The following RP1 variants were observed in gnomAD, a reference collection of about 807,000 sequenced individuals.
RP1 encodes oxygen-regulated protein 1.
Under a neutral mutation model 14.8 loss-of-function variants are expected in RP1, and 16 were observed. The observed-to-expected ratio is 1.08, with a 90% CI of 0.73 to 1.65. The LOEUF is 1.65. Among genes scored for constraint, RP1 ranks in the 40% most tolerant of loss-of-function variants. RP1 has a pLI of 0.00. For synonymous variants in RP1, 876 were observed against 883.6 expected, an observed-to-expected ratio of 0.99 and a Z score of 0.15; for missense variants, 2,631 against 2,535.0, an observed-to-expected ratio of 1.04 and a Z score of -0.81.
upstream of RP1, among the ~76,000 whole-genome samples, chr8:54,612,828 C>G (rs1415697604): frequency 6.6e-6 from 1 of 152,208 alleles, no homozygotes; most frequent in Non-Finnish European, 1.5e-5. Context: ...CTGCCAGGAA[C>G]ACACTTCTGT....
chr8:54,743,474 A>G (rs1809147679), intron 19 of RP1, among the ~76,000 whole-genome samples: 1 of 152,188 alleles, frequency 6.6e-6, no homozygotes, highest in Non-Finnish European at 1.5e-5. Context: ...ACTACAAGGT[A>G]GAACTTTTTC....
intron 15 of RP1, among the ~76,000 whole-genome samples, chr8:54,717,564 A>G (rs1808433571): frequency 6.6e-6 from 1 of 152,146 alleles, no homozygotes; most frequent in Non-Finnish European, 1.5e-5. Context: ...TAAAAAGACT[A>G]ACTTTCAGTA....
intron 1 of RP1, among the ~76,000 whole-genome samples, chr8:54,581,785 T>C (rs1284157251): frequency 6.6e-6 from 1 of 152,254 alleles, no homozygotes; most frequent in Non-Finnish European, 1.5e-5. Flanking sequence ...CATGTGTCTT[T>C]TGGCTGCATA....
At chr8:54,586,637 G>T (rs533515534) in intron 1 of RP1, among the ~76,000 whole-genome samples, 2 of 152,304 alleles carry the variant, frequency 1.3e-5, no homozygotes, top group Non-Finnish European at 1.5e-5. Context: ...AGGTGCTGTG[G>T]GCTCCACCCA....
At chr8:54,712,274 G>A (rs928584386) in intron 15 of RP1, among the ~76,000 whole-genome samples, 3 of 152,176 alleles carry the variant, frequency 2.0e-5, no homozygotes, top group Non-Finnish European at 2.9e-5. Flanking sequence ...GCTGGAGAGG[G>A]TCTGGGAGAC....
At chr8:54,833,496 T>C (rs1013181026) in intron 24 of RP1, among the ~76,000 whole-genome samples, 7 of 151,988 alleles carry the variant, frequency 4.6e-5, no homozygotes, top group Non-Finnish European at 1.5e-5. Flanking sequence ...AAGAATTGAT[T>C]ACAATCCATT....
chr8:54,680,662 G>A (rs1158041823), intron 12 of RP1, among the ~76,000 whole-genome samples: 2 of 152,108 alleles, frequency 1.3e-5, no homozygotes, highest in African/African-American at 4.8e-5. Context: ...TCTCCTGTAT[G>A]AAAATAAATG....
downstream of RP1, chr8:54,770,085 G>GATCT (rs757529681): frequency 9.4e-6 from 4 of 424,372 alleles, no homozygotes; most frequent in Non-Finnish European, 1.7e-5. Context: ...TCATCAGACA[G>GATCT]ATCTGTTATT....
intron 1 of RP1, among the ~76,000 whole-genome samples, chr8:54,595,201 C>T (rs945131582): frequency 6.6e-6 from 1 of 151,074 alleles, no homozygotes; most frequent in African/African-American, 2.4e-5. Context: ...GCGATCTCAG[C>T]TCACTGCAAG....
chr8:54,778,650 C>G (rs1266769712), intron 23 of RP1, among the ~76,000 whole-genome samples: 1 of 151,982 alleles, frequency 6.6e-6, no homozygotes, highest in Non-Finnish European at 1.5e-5. Context: ...GAGAAGGTGA[C>G]CTTTGAGCTA....
chr8:54,646,243 C>CT (rs58433875), intron 3 of RP1, among the ~76,000 whole-genome samples: 1 of 151,432 alleles, frequency 6.6e-6, no homozygotes, highest in East Asian at 1.9e-4. Context: ...GTTTCTTTTT[C>CT]TTTTTTTTGG....
intron 1 of RP1, among the ~76,000 whole-genome samples, chr8:54,591,914 A>T (rs1335246904): frequency 6.6e-6 from 1 of 152,164 alleles, no homozygotes; most frequent in East Asian, 1.9e-4. Flanking sequence ...GAAATGTACC[A>T]GTTCTCTTGA....
intron 26 of RP1, among the ~76,000 whole-genome samples, chr8:54,853,805 A>AGAGAGAG (rs1312575462): frequency 1.2e-3 from 173 of 150,148 alleles, no homozygotes; most frequent in African/African-American, 4.3e-3. Context: ...AGAGAGAAAG[A>AGAGAGAG]AAGAGAAAGG....
At chr8:54,714,215 C>T (rs569748923) in intron 15 of RP1, among the ~76,000 whole-genome samples, 5 of 152,144 alleles carry the variant, frequency 3.3e-5, no homozygotes, top group South Asian at 2.1e-4. Context: ...CGTGAGCCAC[C>T]GCACCCAGCC....
At chr8:54,606,749 T>A (rs1184305105) in intron 1 of RP1, among the ~76,000 whole-genome samples, 2 of 152,164 alleles carry the variant, frequency 1.3e-5, no homozygotes, top group East Asian at 3.9e-4. Flanking sequence ...TTTCTTTTTA[T>A]TCTTTTTTTC....
chr8:54,680,684 T>G (rs777024057), intron 12 of RP1, among the ~76,000 whole-genome samples: 25 of 151,972 alleles, frequency 1.6e-4, no homozygotes, highest in Non-Finnish European at 3.2e-4. Context: ...CTGGGCCGGG[T>G]GTGGTGGCTC....
chr8:54,734,681 A>G, exon 18 of RP1: 1 of 1,535,778 alleles, frequency 6.5e-7, no homozygotes, highest in Non-Finnish European at 8.7e-7. Flanking sequence ...TCACTGGGCC[A>G]ATAAGTCTTC....
intron 15 of RP1, among the ~76,000 whole-genome samples, chr8:54,716,215 A>C (rs1321612643): frequency 7.9e-5 from 12 of 152,310 alleles, no homozygotes. Context: ...TCTAAAGTGC[A>C]CTAGTAATCC....
rs555160408 is a variant in RP1, at chr8:54,626,906, G to A, written c.3024G>A (p.Gln1008=). ...DTGEEDLHET[Q]VGSLNDAYLV... is the part of the protein sequence containing the mutation. ...GTGAAGAAGATCTCCATGAGACACA[G>A]GTTGGATCTCTGAATGATGCTTATT... The change falls in exon 4 of 4, where the codon CAG becomes CAA. Residue 1008 remains glutamine, a synonymous_variant. Coordinates refer to ENST00000220676, the MANE Select transcript of RP1 (RefSeq NM_006269.2). The A allele has an allele frequency of 1.8e-4, 291 of 1,613,822 alleles. No homozygotes were observed. The East Asian group carries it at 6.3e-3, about 35-fold the overall frequency.
Sources: gnomAD v4.1 joint callset for allele counts (sites outside exome capture counted in the v4.1 genomes callset) on GRCh38, gnomAD v4.1.1 for gene constraint, MANE v1.5 for transcripts, NCBI Gene and HGNC (gene_info 2026-07-23, HGNC 2026-07-21) for gene names.